The following LOC400499 variants were observed in gnomAD, a reference collection of about 807,000 sequenced individuals.
At chr16:11,402,588 G>T in the LOC400499 span, among the ~76,000 whole-genome samples, 1 of 152,192 alleles carries the variant, frequency 6.6e-6, no homozygotes, top group East Asian at 1.9e-4. Context: ...CTGTGGGCTG[G>T]TGCCACGTGG....
the LOC400499 span, chr16:11,450,872 C>CTAGCAGGCAG: frequency 6.7e-6 from 10 of 1,485,880 alleles, no homozygotes; most frequent in African/African-American, 2.8e-5. Flanking sequence ...GAGGAAGCTT[C>CTAGCAGGCAG]TAGCAGGCAG....
the LOC400499 span, chr16:11,383,843 G>C: frequency 8.1e-7 from 1 of 1,232,232 alleles, no homozygotes; most frequent in African/African-American, 1.5e-5. Context: ...AGCTTGATGA[G>C]ACAAAGGGCC....
the LOC400499 span, among the ~76,000 whole-genome samples, chr16:11,420,009 G>A: frequency 3.3e-5 from 5 of 150,362 alleles, no homozygotes; most frequent in South Asian, 1.0e-3. Flanking sequence ...CTGTAAACTA[G>A]TTCAACCATT....
At chr16:11,516,113 C>G in the LOC400499 span, 2 of 399,596 alleles carry the variant, frequency 5.0e-6, no homozygotes, top group Non-Finnish European at 8.8e-6. Context: ...ACCTCTACCC[C>G]CTACCCCCTT....
chr16:11,473,023 G>T, the LOC400499 span: 4 of 151,982 alleles, frequency 2.6e-5, no homozygotes, highest in Non-Finnish European at 5.9e-5. Flanking sequence ...CAACGACTCA[G>T]GAGAATCGCT....
chr16:11,391,644 G>C, the LOC400499 span: 2 of 1,231,914 alleles, frequency 1.6e-6, no homozygotes, highest in Non-Finnish European at 2.0e-6. Flanking sequence ...ACAGGATTGA[G>C]CCCTCCCCCT....
At chr16:11,519,954 C>T in the LOC400499 span, among the ~76,000 whole-genome samples, 12 of 152,206 alleles carry the variant, frequency 7.9e-5, no homozygotes, top group Non-Finnish European at 1.6e-4. Context: ...CCACCCGCCT[C>T]GGCCTCCCAA....
At chr16:11,494,455 A>C in the LOC400499 span, 1 of 392,006 alleles carries the variant, frequency 2.6e-6, no homozygotes, top group East Asian at 3.6e-5. Context: ...GGAATGAGGG[A>C]TAGGAGGAAG....
At chr16:11,410,998 G>A in the LOC400499 span, among the ~76,000 whole-genome samples, 6 of 152,366 alleles carry the variant, frequency 3.9e-5, no homozygotes, top group African/African-American at 7.2e-5. Flanking sequence ...TGGGTGAGGA[G>A]GCCTCCCCCA....
the LOC400499 span, chr16:11,462,119 G>C: frequency 6.7e-7 from 1 of 1,498,170 alleles, no homozygotes; most frequent in Non-Finnish European, 8.9e-7. Flanking sequence ...TCTCCTACCT[G>C]TCACGTTGGC....
the LOC400499 span, among the ~76,000 whole-genome samples, chr16:11,379,750 C>T: frequency 1.3e-5 from 2 of 152,240 alleles, no homozygotes; most frequent in South Asian, 4.1e-4. Flanking sequence ...GTCATTTCGT[C>T]CCTTTGTGTT....
chr16:11,492,752 T>C, the LOC400499 span, among the ~76,000 whole-genome samples: 1 of 150,196 alleles, frequency 6.7e-6, no homozygotes, highest in Non-Finnish European at 1.5e-5. Context: ...GACACCGCAC[T>C]CCAGCCTGGG....
chr16:11,491,793 C>A, the LOC400499 span: 4 of 398,880 alleles, frequency 1.0e-5, no homozygotes, highest in South Asian at 3.8e-4. Context: ...GGCATTGATA[C>A]GGATCTCAGC....
At chr16:11,472,852 A>T in the LOC400499 span, 1 of 152,138 alleles carries the variant, frequency 6.6e-6, no homozygotes, top group Non-Finnish European at 1.5e-5. Context: ...TGTTAGCTGG[A>T]TATGGTCGCT....
At chr16:11,397,206 T>A in the LOC400499 span, among the ~76,000 whole-genome samples, 4 of 152,166 alleles carry the variant, frequency 2.6e-5, no homozygotes, top group Non-Finnish European at 4.4e-5. Flanking sequence ...GTTTTCTGAA[T>A]GAACAGAGGA....
chr16:11,431,301 C>A, the LOC400499 span: 2 of 398,670 alleles, frequency 5.0e-6, no homozygotes, highest in Non-Finnish European at 8.8e-6. Context: ...AACCCCAATG[C>A]TGCTGCTCAC....
At chr16:11,440,688 C>A in the LOC400499 span, 9 of 398,952 alleles carry the variant, frequency 2.3e-5, no homozygotes, top group East Asian at 3.2e-4. Flanking sequence ...AAGACCCGGC[C>A]TCCCTCGGCA....
the LOC400499 span, among the ~76,000 whole-genome samples, chr16:11,480,583 C>G: frequency 4.6e-5 from 7 of 152,048 alleles, no homozygotes; most frequent in Non-Finnish European, 1.0e-4. Context: ...AAAATACCTG[C>G]GAATGGTGAG....
the LOC400499 span, chr16:11,449,114 T>C: frequency 4.0e-5 from 58 of 1,446,794 alleles, no homozygotes; most frequent in East Asian, 1.2e-3. Context: ...AAACCTGCAA[T>C]GAGGTGAGGA....
Sources: allele counts gnomAD v4.1 joint callset (sites outside exome capture counted in the v4.1 genomes callset), GRCh38; gene constraint gnomAD v4.1.1; transcripts MANE v1.5.